The following NBEA variants were observed in gnomAD, a reference collection of about 807,000 sequenced individuals.
The protein encoded by NBEA is lysosomal-trafficking regulator 2.
A neutral mutation model predicts 343.4 loss-of-function variants in NBEA; 44 were observed. That is an observed-to-expected ratio of 0.13 (90% CI 0.10 to 0.16). The LOEUF is 0.16. Among genes scored for constraint, NBEA ranks in the 10% least tolerant of loss-of-function variants. The pLI, the probability that NBEA is intolerant of heterozygous loss-of-function variation, is 1.00. For synonymous variants in NBEA, 1,175 were observed against 1,238.7 expected (o/e 0.95, Z 1.08); for missense variants, 2,555 against 3,631.3 (o/e 0.70, Z 7.62).
intron 8 of NBEA, among the ~76,000 whole-genome samples, chr13:35,065,777 C>T (rs2063628863): frequency 2.0e-5 from 3 of 152,076 alleles, no homozygotes; most frequent in South Asian, 2.1e-4. Context: ...TAACTACTGA[C>T]ATGATGGTTA....
chr13:35,124,710 GTA>G (rs1420506723), intron 17 of NBEA, among the ~76,000 whole-genome samples: 1 of 149,122 alleles, frequency 6.7e-6, no homozygotes, highest in African/African-American at 2.5e-5. Flanking sequence ...ACACATATAT[GTA>G]TGGATATATA....
intron 41 of NBEA, among the ~76,000 whole-genome samples, chr13:35,512,150 C>CATT (rs891017253): frequency 2.3e-4 from 35 of 152,194 alleles, no homozygotes; most frequent in African/African-American, 8.4e-4. Context: ...TTCTAACACA[C>CATT]ATTAGTTGTG....
At chr13:35,559,824 G>A (rs1288864139) in intron 44 of NBEA, among the ~76,000 whole-genome samples, 1 of 151,486 alleles carries the variant, frequency 6.6e-6, no homozygotes, top group African/African-American at 2.4e-5. Flanking sequence ...GCTGAGGCAG[G>A]AGAAGCTGAA....
intron 34 of NBEA, among the ~76,000 whole-genome samples, chr13:35,240,034 A>T (rs1430614350): frequency 4.7e-5 from 7 of 148,482 alleles, no homozygotes; most frequent in African/African-American, 1.5e-4. Context: ...AGTAATTGCG[A>T]TTTTATTAGC....
chr13:34,956,440 T>C (rs1234105917), intron 1 of NBEA, among the ~76,000 whole-genome samples: 2 of 151,698 alleles, frequency 1.3e-5, no homozygotes, highest in Non-Finnish European at 2.9e-5. Flanking sequence ...TGGCCTGATA[T>C]GTTCAAATTC....
chr13:35,068,532 C>G (rs989221707), intron 8 of NBEA, among the ~76,000 whole-genome samples: 2 of 152,004 alleles, frequency 1.3e-5, no homozygotes, highest in African/African-American at 4.8e-5. Flanking sequence ...ATGCTGAGTT[C>G]TTAAGCATTC....
rs187086259 is a variant in NBEA at position 35,393,707 on chromosome 13, A to G, written c.6180-38562A>G. Among the ~76,000 whole-genome samples the G allele has an allele frequency of 5.6e-4, 86 of 152,262 alleles. 2 individuals are homozygous for G. In the East Asian group the frequency reaches 0.016, roughly 29 times the overall value. On this transcript the variant is annotated intron_variant, in intron 38 of 58. Transcript: ENST00000379939. ...AATTTGCAACTATGAAGTAGCTAAA[A>G]CACTAAGACAATTAGAAATACAATT...
intron 38 of NBEA, among the ~76,000 whole-genome samples, chr13:35,400,953 C>A (rs1349891044): frequency 1.3e-5 from 2 of 151,762 alleles, no homozygotes; most frequent in African/African-American, 4.8e-5. Context: ...CATGGCACAT[C>A]CCTCTTTATC....
intron 28 of NBEA, among the ~76,000 whole-genome samples, chr13:35,178,834 A>G (rs1051330381): frequency 6.6e-6 from 1 of 151,602 alleles, no homozygotes; most frequent in Non-Finnish European, 1.5e-5. Flanking sequence ...TACCATTCTT[A>G]CTGACAGTTT....
intron 38 of NBEA, among the ~76,000 whole-genome samples, chr13:35,357,362 G>T (rs543829817): frequency 2.0e-4 from 31 of 151,836 alleles, no homozygotes; most frequent in Non-Finnish European, 4.0e-4. Context: ...AGGAACACGT[G>T]TGGGGGTTTG....
At chr13:35,010,181 C>T (rs1487344954) in intron 1 of NBEA, among the ~76,000 whole-genome samples, 1 of 152,126 alleles carries the variant, frequency 6.6e-6, no homozygotes, top group South Asian at 2.1e-4. Context: ...ACTAAAAAAG[C>T]TTTGAGATTG....
rs537322861 is a variant in NBEA, at chr13:35,655,558, C to G, written c.8192-21C>G. ...GAAGAAAAAGACTAAATGAAGCAAA[C>G]CTGTCATTTCTGTGTTGCAGGGAAA... On this transcript the variant is annotated intron_variant, in intron 54 of 58. Transcript: ENST00000379939. 4 of 1,598,582 alleles carry G rather than the reference C, an allele frequency of 2.5e-6. No homozygotes were observed. In the South Asian group the frequency reaches 3.4e-5, roughly 14 times the overall value.
At chr13:34,988,254 G>A (rs1760399110) in intron 1 of NBEA, among the ~76,000 whole-genome samples, 1 of 151,006 alleles carries the variant, frequency 6.6e-6, no homozygotes, top group East Asian at 1.9e-4. Flanking sequence ...GGCTACACGG[G>A]GGTCAGGGAG....
chr13:35,399,520 A>T (rs1200645985), intron 38 of NBEA, among the ~76,000 whole-genome samples: 1 of 152,098 alleles, frequency 6.6e-6, no homozygotes. Context: ...ACATGGGGTA[A>T]ACTGCACCCA....
At chr13:35,118,572 CA>C in intron 16 of NBEA, 98 bp downstream of exon 16, 1 of 894,300 alleles carries the variant, frequency 1.1e-6, no homozygotes, top group Non-Finnish European at 1.7e-6. Flanking sequence ...ATAAATATAG[CA>C]AAGTCTTGCA....
intron 49 of NBEA, among the ~76,000 whole-genome samples, chr13:35,641,165 A>G (rs1021061601): frequency 6.6e-6 from 1 of 152,130 alleles, no homozygotes; most frequent in African/African-American, 2.4e-5. Context: ...ACCCTAAAAG[A>G]TTACATAATG....
chr13:35,292,186 A>G (rs2035843780), intron 35 of NBEA, among the ~76,000 whole-genome samples: 2 of 151,994 alleles, frequency 1.3e-5, no homozygotes, highest in Admixed American at 6.6e-5. Context: ...TTAAGCTTCT[A>G]GAACTATCTT....
chr13:35,619,099 A>C (rs1273246326), intron 48 of NBEA, among the ~76,000 whole-genome samples: 1 of 151,252 alleles, frequency 6.6e-6, no homozygotes, highest in African/African-American at 2.4e-5. Context: ...CAAATGTAAA[A>C]ATTTGCATTT....
intron 38 of NBEA, among the ~76,000 whole-genome samples, chr13:35,388,188 A>ATT (rs1267281689): frequency 1.3e-5 from 2 of 152,168 alleles, no homozygotes; most frequent in Non-Finnish European, 2.9e-5. Flanking sequence ...GAGAAAAGAG[A>ATT]GATGGCCAAA....
Sources: gnomAD v4.1 joint callset for allele counts (sites outside exome capture counted in the v4.1 genomes callset) on GRCh38, gnomAD v4.1.1 for gene constraint, MANE v1.5 for transcripts, NCBI Gene and HGNC (gene_info 2026-07-23, HGNC 2026-07-21) for gene names.